The following SCD5 variants were observed in gnomAD, a reference collection of about 807,000 sequenced individuals.
SCD5 encodes acyl-CoA-desaturase 4.
SCD5 carries 20 observed loss-of-function variants against 30.4 expected under a neutral mutation model. The ratio of observed to expected loss-of-function variants is 0.66; its 90% confidence interval spans 0.46 to 0.96. The LOEUF (loss-of-function observed/expected upper bound fraction) is 0.96. Ranked by LOEUF, SCD5 falls within the 40% of genes least tolerant of loss-of-function variation. SCD5 has a pLI of 0.00. For synonymous variants in SCD5, 173 were observed against 176.4 expected, an observed-to-expected ratio of 0.98 and a Z score of 0.16; for missense variants, 381 against 443.3, an observed-to-expected ratio of 0.86 and a Z score of 1.26.
intron 1 of SCD5, among the ~76,000 whole-genome samples, chr4:82,763,684 A>T (rs994483766): frequency 2.6e-5 from 4 of 152,222 alleles, no homozygotes; most frequent in African/African-American, 9.6e-5. Flanking sequence ...AAGAGGGCAG[A>T]CATCTGCAAG....
At position 82,797,170 on chromosome 4, in the gene SCD5, C is replaced by CA. The variant is rs562480221; in HGVS notation, c.232+1135dup. Among the ~76,000 whole-genome samples, 22 of 152,224 alleles carry CA rather than the reference C, an allele frequency of 1.4e-4. No homozygotes were observed. In the South Asian group the frequency reaches 3.3e-3, roughly 23 times the overall value. Reference sequence around the variant, plus strand: ...TAGGCATTTGCAGCTGGCACCATGCCAAAAAAGCCCTGTAGAAAGAGGTCT... The same window carrying CA: ...TAGGCATTTGCAGCTGGCACCATGCCAAAAAAAGCCCTGTAGAAAGAGGTCT... On this transcript the variant is annotated intron_variant, in intron 1 of 4. Coordinates refer to ENST00000319540, the MANE Select transcript of SCD5 (RefSeq NM_001037582.3).
chr4:82,784,120 T>C (rs561682888), intron 1 of SCD5, among the ~76,000 whole-genome samples: 74 of 152,224 alleles, frequency 4.9e-4, no homozygotes, highest in Non-Finnish European at 9.1e-4. Context: ...GATACTATTC[T>C]TAACAACTGT....
In SCD5 at chr4:82,789,282, C is replaced by T. The variant is rs569321830; in HGVS notation, c.232+9024G>A. On this transcript the variant is annotated intron_variant, in intron 1 of 4. Coordinates refer to ENST00000319540, the MANE Select transcript of SCD5 (RefSeq NM_001037582.3). ...TTTGTTGACAAGAGAAGCAGGATCC[C>T]GACATGTTCTAAAATAAGCTACAAG... Among the ~76,000 whole-genome samples, 13 of 152,182 alleles carry T rather than the reference C, an allele frequency of 8.5e-5. No homozygotes were observed. In the South Asian group the frequency reaches 2.7e-3, roughly 32 times the overall value.
At chr4:82,690,273 T>C (rs1445295997) in intron 2 of SCD5, among the ~76,000 whole-genome samples, 2 of 152,316 alleles carry the variant, frequency 1.3e-5, no homozygotes, top group South Asian at 2.1e-4. Context: ...AGAATGCACA[T>C]GCATGTACAG....
At chr4:82,737,352 T>A (rs543980718) in intron 1 of SCD5, among the ~76,000 whole-genome samples, 18 of 152,320 alleles carry the variant, frequency 1.2e-4, no homozygotes, top group Middle Eastern at 3.4e-3. Context: ...AGAAATAGTA[T>A]TGCACTTGTG....
At chr4:82,787,803 A>C (rs960336904) in intron 1 of SCD5, among the ~76,000 whole-genome samples, 1 of 152,196 alleles carries the variant, frequency 6.6e-6, no homozygotes, top group Admixed American at 6.5e-5. Context: ...CTGAAGTGGA[A>C]GGATCATTTG....
At chr4:82,650,918 T>C (rs989203353) in intron 3 of SCD5, among the ~76,000 whole-genome samples, 43 of 151,088 alleles carry the variant, frequency 2.8e-4, no homozygotes, top group African/African-American at 1.0e-3. Context: ...ATAATAAACC[T>C]ATTACATGGT....
chr4:82,760,465 C>T (rs1467516852), intron 1 of SCD5, among the ~76,000 whole-genome samples: 1 of 152,112 alleles, frequency 6.6e-6, no homozygotes, highest in Non-Finnish European at 1.5e-5. Context: ...GGCACAATCT[C>T]GGCTACTGCA....
intron 1 of SCD5, among the ~76,000 whole-genome samples, chr4:82,721,659 T>A (rs899772899): frequency 3.3e-5 from 5 of 152,306 alleles, no homozygotes; most frequent in African/African-American, 1.2e-4. Flanking sequence ...GCCAACCATC[T>A]ATAAGCGAAG....
intron 2 of SCD5, among the ~76,000 whole-genome samples, chr4:82,683,529 C>A (rs187012451): frequency 1.3e-4 from 20 of 152,276 alleles, no homozygotes; most frequent in Non-Finnish European, 1.2e-4. Flanking sequence ...TTTCCATCAA[C>A]AAAATATTTC....
intron 3 of SCD5, among the ~76,000 whole-genome samples, chr4:82,665,030 A>ACG (rs1294684565): frequency 6.9e-5 from 1 of 14,432 alleles, no homozygotes; most frequent in South Asian, 2.8e-3. Flanking sequence ...TGTATAATAC[A>ACG]CACACACACA....
intron 1 of SCD5, among the ~76,000 whole-genome samples, chr4:82,746,699 A>G (rs989360417): frequency 6.6e-6 from 1 of 152,088 alleles, no homozygotes; most frequent in Non-Finnish European, 1.5e-5. Flanking sequence ...AAGACATGAT[A>G]GAGTAAATGG....
At chr4:82,784,190 G>A (rs1192764049) in intron 1 of SCD5, among the ~76,000 whole-genome samples, 1 of 152,068 alleles carries the variant, frequency 6.6e-6, no homozygotes, top group African/African-American at 2.4e-5. Context: ...AAATCCCCAG[G>A]TGCATGTGAG....
intron 1 of SCD5, among the ~76,000 whole-genome samples, chr4:82,749,060 C>T (rs147899241): frequency 1.7e-3 from 258 of 152,266 alleles, no homozygotes; most frequent in African/African-American, 5.8e-3. Flanking sequence ...GAAAAGCATA[C>T]AAGTTTTTAT....
At chr4:82,753,510 G>C in intron 1 of SCD5, 1 of 455,708 alleles carries the variant, frequency 2.2e-6, no homozygotes, top group Admixed American at 2.3e-5. Flanking sequence ...CATCTGCCAG[G>C]AGTGTGGCTC....
intron 2 of SCD5, among the ~76,000 whole-genome samples, chr4:82,681,277 C>CGTAT (rs1728567709): frequency 6.6e-6 from 1 of 152,050 alleles, no homozygotes; most frequent in Non-Finnish European, 1.5e-5. Context: ...GTGGCTGCAC[C>CGTAT]GTATTCCATG....
intron 1 of SCD5, among the ~76,000 whole-genome samples, chr4:82,753,720 C>A (rs1337089184): frequency 6.6e-6 from 1 of 152,074 alleles, no homozygotes; most frequent in Non-Finnish European, 1.5e-5. Flanking sequence ...CCATATTTGC[C>A]TCCCCCCTCA....
chr4:82,785,942 TC>T (rs1285622061), intron 1 of SCD5, among the ~76,000 whole-genome samples: 1 of 152,240 alleles, frequency 6.6e-6, no homozygotes, highest in Non-Finnish European at 1.5e-5. Context: ...ATTGTAACCA[TC>T]TGCAAAAGCT....
At chr4:82,635,987 C>T (rs1418053095) in intron 4 of SCD5, among the ~76,000 whole-genome samples, 1 of 152,184 alleles carries the variant, frequency 6.6e-6, no homozygotes, top group African/African-American at 2.4e-5. Flanking sequence ...AGAGAAGAGT[C>T]AACTGCTGCT....
Sources: allele counts gnomAD v4.1 joint callset (sites outside exome capture counted in the v4.1 genomes callset), GRCh38; gene constraint gnomAD v4.1.1; transcripts MANE v1.5; gene names NCBI Gene and HGNC (gene_info 2026-07-23, HGNC 2026-07-21).